The following PAK2 variants were observed in gnomAD, a reference collection of about 807,000 sequenced individuals.
PAK2 encodes the protein p21 (RAC1) activated kinase 2.
Under a neutral mutation model 65.9 loss-of-function variants are expected in PAK2, and 21 were observed. That is an observed-to-expected ratio of 0.32 (90% CI 0.23 to 0.46). PAK2 has a LOEUF of 0.46. Ranked by LOEUF, PAK2 falls within the 20% of genes least tolerant of loss-of-function variation. The pLI, the probability that PAK2 is intolerant of heterozygous loss-of-function variation, is 1.00. For synonymous variants in PAK2, 204 were observed against 219.7 expected (o/e 0.93, Z 0.63); for missense variants, 324 against 642.6 (o/e 0.50, Z 5.36).
In PAK2 at chr3:196,759,498, GTTTTTTTTTTTTTTTT is replaced by G. The variant is rs71301221; in HGVS notation, c.-22+19365_-22+19380del. On this transcript the variant is annotated intron_variant, in intron 1 of 14. Transcript: ENST00000327134. ...GGTATACAGTTAAGTGGTTTTTTTT[GTTTTTTTTTTTTTTTT>G]TTTTTTTTTTTTTTTTTTTTTTTGA... 2.2e-3 allele frequency among the ~76,000 whole-genome samples: 238 copies of G among 108,072 alleles called. 1 individual carries two copies. The highest frequency in any genetic ancestry group is 0.021 in the East Asian group (77 of 3,646). The allele number at this position is 108,072 out of a possible 152,430, so 70.9% of individuals were successfully genotyped here.
intron 12 of PAK2, among the ~76,000 whole-genome samples, chr3:196,818,379 T>G (rs1455237661): frequency 6.6e-6 from 1 of 152,118 alleles, no homozygotes; most frequent in Non-Finnish European, 1.5e-5. Flanking sequence ...GATAAGACAT[T>G]ATTAGGTAAT....
At chr3:196,754,621 G>C (rs1457990066) in intron 1 of PAK2, among the ~76,000 whole-genome samples, 1 of 152,106 alleles carries the variant, frequency 6.6e-6, no homozygotes, top group East Asian at 1.9e-4. Flanking sequence ...CAGGTTTTCT[G>C]ATTCTGATCT....
chr3:196,822,405 A>G (rs1711683578), intron 13 of PAK2, among the ~76,000 whole-genome samples: 1 of 152,182 alleles, frequency 6.6e-6, no homozygotes, highest in Non-Finnish European at 1.5e-5. Flanking sequence ...AGGTGCTTAG[A>G]GAGCTGGGCA....
At chr3:196,745,419 C>T (rs1388300555) in intron 1 of PAK2, among the ~76,000 whole-genome samples, 3 of 151,902 alleles carry the variant, frequency 2.0e-5, no homozygotes, top group African/African-American at 7.3e-5. Context: ...CCACCGTGCC[C>T]AGCCCATTGT....
At chr3:196,761,754 C>G (rs1436373598) in intron 1 of PAK2, among the ~76,000 whole-genome samples, 19 of 147,086 alleles carry the variant, frequency 1.3e-4, no homozygotes, top group South Asian at 2.2e-4. Context: ...CGCCCCTCAC[C>G]TCCCGGACGG....
chr3:196,814,964 G>A (rs1037013286), intron 11 of PAK2, among the ~76,000 whole-genome samples: 1 of 151,968 alleles, frequency 6.6e-6, no homozygotes, highest in African/African-American at 2.4e-5. Context: ...TGGATCACAA[G>A]GTCAGGAGAT....
intron 7 of PAK2, among the ~76,000 whole-genome samples, chr3:196,809,653 T>TA (rs747365769): frequency 0.018 from 2,561 of 139,716 alleles, 72 homozygotes; most frequent in African/African-American, 0.058. Flanking sequence ...AGCTGCTACT[T>TA]AAAAAAAAAA....
intron 12 of PAK2, among the ~76,000 whole-genome samples, chr3:196,818,795 C>T (rs1309864256): frequency 6.6e-6 from 1 of 151,774 alleles, no homozygotes; most frequent in Non-Finnish European, 1.5e-5. Context: ...AAGTGAATAA[C>T]CTTGGATAAG....
At chr3:196,761,845 C>CA (rs1491406410) in intron 1 of PAK2, among the ~76,000 whole-genome samples, 1 of 140,334 alleles carries the variant, frequency 7.1e-6, no homozygotes, top group Non-Finnish European at 1.6e-5. Flanking sequence ...GACCCCCCCC[C>CA]ACCTCCCTCC....
At chr3:196,770,935 A>G (rs1577710722) in intron 1 of PAK2, among the ~76,000 whole-genome samples, 1 of 151,822 alleles carries the variant, frequency 6.6e-6, no homozygotes, top group Non-Finnish European at 1.5e-5. Context: ...AGTTTTTTAT[A>G]TATAGTCTTT....
chr3:196,815,646 G>A (rs1225799156), intron 11 of PAK2, among the ~76,000 whole-genome samples: 1 of 151,970 alleles, frequency 6.6e-6, no homozygotes, highest in Non-Finnish European at 1.5e-5. Flanking sequence ...AATTAGCTGG[G>A]TGTGGTGGTA....
At chr3:196,773,562 T>A (rs1714442329) in intron 1 of PAK2, among the ~76,000 whole-genome samples, 2 of 152,138 alleles carry the variant, frequency 1.3e-5, no homozygotes, top group Non-Finnish European at 2.9e-5. Context: ...GTTGATGTTG[T>A]CTAGTGCTGT....
At position 196,762,495 on chromosome 3, in the gene PAK2, G is replaced by T. The variant is rs1254330899; in HGVS notation, c.-21-20131G>T. Reference sequence around the variant, plus strand: ...GGATCACTCGCGGTTAGGGGCTGGAGACCGGCCCGGCCAACACAGCGAAAC... The same window carrying T: ...GGATCACTCGCGGTTAGGGGCTGGATACCGGCCCGGCCAACACAGCGAAAC... On this transcript the variant is annotated intron_variant, in intron 1 of 14. Transcript: ENST00000327134. Among the ~76,000 whole-genome samples, 654 of 150,858 alleles carry T rather than the reference G, an allele frequency of 4.3e-3. 5 individuals carry two copies. The highest frequency in any genetic ancestry group is 0.015 in the African/African-American group (622 of 41,148).
chr3:196,803,298 CT>C (rs1460771770), intron 4 of PAK2, 134 bp downstream of exon 4: 4 of 647,174 alleles, frequency 6.2e-6, no homozygotes, highest in Non-Finnish European at 1.0e-5. Context: ...TAGATTCTAC[CT>C]TTTGTAGACT....
chr3:196,766,211 A>G lies in PAK2; in HGVS notation c.-21-16415A>G, dbSNP rs554380401. Among the ~76,000 whole-genome samples, 208 of 152,068 alleles carry G rather than the reference A, an allele frequency of 1.4e-3. 1 individual carries two copies. The highest frequency in any genetic ancestry group is 2.6e-3 in the Admixed American group (40 of 15,238). ...TGCCTGGCCTCTTTTTTAAATTTTT[A>G]TTTTTATATTTTCTTCTCAAAACTT... On this transcript the variant is annotated intron_variant, in intron 1 of 14. Transcript: ENST00000327134.
At chr3:196,748,860 A>G (rs1162527302) in intron 1 of PAK2, among the ~76,000 whole-genome samples, 5 of 152,208 alleles carry the variant, frequency 3.3e-5, no homozygotes, top group Non-Finnish European at 7.3e-5. Flanking sequence ...AAATACATTT[A>G]TAGTGTGCAA....
At chr3:196,752,975 G>GA (rs142458693) in intron 1 of PAK2, among the ~76,000 whole-genome samples, 7 of 148,460 alleles carry the variant, frequency 4.7e-5, no homozygotes, top group Admixed American at 2.0e-4. Context: ...TGGGTTAAGA[G>GA]AAAAAAAAAT....
At chr3:196,806,915 G>A (rs1437150217) in intron 6 of PAK2, among the ~76,000 whole-genome samples, 1 of 151,992 alleles carries the variant, frequency 6.6e-6, no homozygotes, top group African/African-American at 2.4e-5. Context: ...CACCTCACTG[G>A]GCTTTTTTCT....
At chr3:196,763,618 G>A (rs1468187824) in intron 1 of PAK2, among the ~76,000 whole-genome samples, 3 of 152,100 alleles carry the variant, frequency 2.0e-5, no homozygotes, top group South Asian at 4.1e-4. Context: ...AGTAAAAGAA[G>A]TATTTGAGAA....
Sources: gnomAD v4.1 joint callset for allele counts (sites outside exome capture counted in the v4.1 genomes callset) on GRCh38, gnomAD v4.1.1 for gene constraint, MANE v1.5 for transcripts, NCBI Gene and HGNC (gene_info 2026-07-23, HGNC 2026-07-21) for gene names.